TTLL9: variants seen among roughly 807,000 people sequenced by gnomAD.
TTLL9 encodes the protein probable tubulin polyglutamylase TTLL9.
TTLL9 carries 47 observed loss-of-function variants against 65.6 expected under a neutral mutation model. The observed-to-expected ratio is 0.72, with a 90% CI of 0.57 to 0.91. The LOEUF is 0.91. Among genes scored for constraint, TTLL9 ranks in the 40% least tolerant of loss-of-function variants. TTLL9 has a pLI of 0.00. For missense variants in TTLL9, 537 were observed against 568.8 expected (o/e 0.94, Z 0.57); for synonymous variants, 179 against 204.8 (o/e 0.87, Z 1.07).
In TTLL9 at chr20:31,880,852, C is replaced by CTTTTT. The variant is rs35047352; in HGVS notation, c.70-6328_70-6324dup. On this transcript the variant is annotated intron_variant, in intron 2 of 14. Transcript: ENST00000535842. ...CACCTTCATTTCTCTTCTTTCTTTC[C>CTTTTT]TTTTTTTTTTTTTTTTTTTTGAGAC... is the stretch of plus-strand genomic sequence containing the variant. Among the ~76,000 whole-genome samples the CTTTTT allele has an allele frequency of 5.1e-3, 550 of 108,244 alleles. 13 individuals are homozygous for CTTTTT. Among genetic ancestry groups the CTTTTT allele is most frequent in the African/African-American group, 0.019 (520 of 26,672 alleles). The allele number at this position is 108,244 out of a possible 152,430, so 71.0% of individuals were successfully genotyped here. A position where few individuals can be genotyped will look rare whatever the true frequency, so the allele number is the denominator to read the frequency against.
At chr20:31,916,647 G>A (rs1000970055) in intron 6 of TTLL9, among the ~76,000 whole-genome samples, 1 of 152,192 alleles carries the variant, frequency 6.6e-6, no homozygotes, top group Non-Finnish European at 1.5e-5. Context: ...TCTCTCCATC[G>A]ACTCTGCATC....
chr20:31,873,845 AAAG>A (rs2062997738), intron 2 of TTLL9, among the ~76,000 whole-genome samples: 1 of 140,552 alleles, frequency 7.1e-6, no homozygotes, highest in Non-Finnish European at 1.5e-5. Context: ...AGAAAGAAAG[AAAG>A]AAAGAAAGAA....
At chr20:31,884,140 T>G in intron 2 of TTLL9, 1 of 448,224 alleles carries the variant, frequency 2.2e-6, no homozygotes, top group Admixed American at 4.1e-5. Flanking sequence ...TATATATGTA[T>G]CAGTTTCCAA....
chr20:31,873,782 GAA>G (rs1366146602), intron 2 of TTLL9, among the ~76,000 whole-genome samples: 11 of 139,636 alleles, frequency 7.9e-5, no homozygotes, highest in African/African-American at 1.6e-4. Context: ...AAGAAAGAAA[GAA>G]AAAGAAAGAA....
chr20:31,920,526 AC>A (rs1486423307), intron 7 of TTLL9: 1 of 152,792 alleles, frequency 6.5e-6, no homozygotes, highest in African/African-American at 2.4e-5. Context: ...CTGAGCGGTG[AC>A]GATGGTGCAG....
intron 2 of TTLL9, among the ~76,000 whole-genome samples, chr20:31,885,923 A>T (rs115506172): frequency 6.6e-6 from 1 of 152,372 alleles, no homozygotes; most frequent in African/African-American, 2.4e-5. Context: ...CATGTTGTGA[A>T]GTGCCTGTGG....
chr20:31,873,732 AAG>A (rs1377121367), intron 2 of TTLL9, among the ~76,000 whole-genome samples: 1,688 of 130,796 alleles, frequency 0.013, 12 homozygotes, highest in Middle Eastern at 0.019. Context: ...GAAAGAAAGA[AAG>A]AAAAAGGAAG....
chr20:31,876,111 T>C (rs1410232786), intron 2 of TTLL9, among the ~76,000 whole-genome samples: 1 of 152,278 alleles, frequency 6.6e-6, no homozygotes, highest in Non-Finnish European at 1.5e-5. Flanking sequence ...TACATACTGA[T>C]ATAAATCTGG....
At chr20:31,887,097 T>C (rs2063201364) in intron 2 of TTLL9, 99 bp from the exon 3 acceptor site, 3 of 1,243,566 alleles carry the variant, frequency 2.4e-6, no homozygotes, top group Non-Finnish European at 3.5e-6. Context: ...CATTGTTGAG[T>C]CTGACGGTTT....
intron 10 of TTLL9, among the ~76,000 whole-genome samples, chr20:31,931,416 T>C (rs2064007994): frequency 2.6e-5 from 4 of 152,070 alleles, no homozygotes; most frequent in African/African-American, 9.7e-5. Context: ...GCTGGGACTA[T>C]AGATGCTCGC....
intron 10 of TTLL9, among the ~76,000 whole-genome samples, chr20:31,929,181 C>A (rs1310938879): frequency 2.0e-5 from 3 of 152,214 alleles, no homozygotes; most frequent in African/African-American, 7.2e-5. Flanking sequence ...CAGGCGTGAG[C>A]CACCGTGCCC....
chr20:31,873,125 C>A, intron 2 of TTLL9: 1 of 441,938 alleles, frequency 2.3e-6, no homozygotes. Context: ...TGAATATTTT[C>A]ACAGGGCAGC....
chr20:31,872,818 G>A (rs1461433501), intron 2 of TTLL9, among the ~76,000 whole-genome samples: 1 of 152,266 alleles, frequency 6.6e-6, no homozygotes, highest in Non-Finnish European at 1.5e-5. Context: ...CAGTGGGACT[G>A]GAGTAGAGGG....
intron 7 of TTLL9, among the ~76,000 whole-genome samples, chr20:31,921,740 G>T (rs923630028): frequency 5.3e-5 from 8 of 151,864 alleles, no homozygotes; most frequent in African/African-American, 1.9e-4. Flanking sequence ...ACCAAATACC[G>T]CATGTTCTCA....
At chr20:31,929,734 C>A (rs896755877) in intron 10 of TTLL9, among the ~76,000 whole-genome samples, 1 of 152,142 alleles carries the variant, frequency 6.6e-6, no homozygotes, top group African/African-American at 2.4e-5. Context: ...TCTTCATAAA[C>A]CTTTTACAGT....
chr20:31,905,289 G>T (rs1196953742), intron 4 of TTLL9, among the ~76,000 whole-genome samples: 1 of 151,914 alleles, frequency 6.6e-6, no homozygotes, highest in Non-Finnish European at 1.5e-5. Context: ...TGGCCAGGCT[G>T]GTCTCAAACT....
At chr20:31,880,546 G>T (rs2063102953) in intron 2 of TTLL9, among the ~76,000 whole-genome samples, 1 of 151,072 alleles carries the variant, frequency 6.6e-6, no homozygotes, top group African/African-American at 2.4e-5. Flanking sequence ...AGGTTGGAGT[G>T]CAGTGGCGCT....
chr20:31,915,105 C>T (rs1017482461), intron 6 of TTLL9, among the ~76,000 whole-genome samples: 1 of 152,152 alleles, frequency 6.6e-6, no homozygotes, highest in African/African-American at 2.4e-5. Flanking sequence ...AATGTGATGT[C>T]GAAATCACTG....
chr20:31,876,876 T>C (rs1028591705), intron 2 of TTLL9, among the ~76,000 whole-genome samples: 1 of 152,210 alleles, frequency 6.6e-6, no homozygotes, highest in African/African-American at 2.4e-5. Context: ...TTTATTTACA[T>C]TCCTCACTAA....
Sources: gnomAD v4.1 joint callset for allele counts (sites outside exome capture counted in the v4.1 genomes callset) on GRCh38, gnomAD v4.1.1 for gene constraint, MANE v1.5 for transcripts, NCBI Gene and HGNC (gene_info 2026-07-23, HGNC 2026-07-21) for gene names.